The following NAV3 variants were observed in gnomAD, a reference collection of about 807,000 sequenced individuals.
The protein encoded by NAV3 is neuron navigator 3.
NAV3 carries 87 observed loss-of-function variants against 244.7 expected under a neutral mutation model. The ratio of observed to expected loss-of-function variants is 0.36; its 90% confidence interval spans 0.30 to 0.42. The LOEUF (loss-of-function observed/expected upper bound fraction) is 0.42. Ranked by LOEUF, NAV3 falls within the 20% of genes least tolerant of loss-of-function variation. The probability of loss-of-function intolerance (pLI) is 1.00; values close to 1 mark genes in which losing one functional copy is unlikely to be tolerated. For missense variants in NAV3, 2,663 were observed against 2,893.3 expected (o/e 0.92, Z 1.83); for synonymous variants, 1,126 against 1,042.2 (o/e 1.08, Z -1.55).
chr12:77,776,101 G>T (rs577802561), intron 2 of NAV3, among the ~76,000 whole-genome samples: 1 of 152,280 alleles, frequency 6.6e-6, no homozygotes, highest in African/African-American at 2.4e-5. Context: ...ATTCATAGAA[G>T]CCCAATTAAT....
chr12:77,676,074 CT>C (rs996877642), intron 2 of NAV3, among the ~76,000 whole-genome samples: 60 of 149,782 alleles, frequency 4.0e-4, no homozygotes, highest in African/African-American at 1.4e-3. Context: ...GGAGTGCTAG[CT>C]TTTTTTTTTA....
intron 2 of NAV3, among the ~76,000 whole-genome samples, chr12:77,600,848 T>C (rs935291132): frequency 7.2e-5 from 11 of 151,878 alleles, no homozygotes; most frequent in African/African-American, 2.7e-4. Flanking sequence ...TCAGGCAAAT[T>C]TATGGGTATT....
At chr12:78,101,427 C>T (rs946952849) in intron 12 of NAV3, among the ~76,000 whole-genome samples, 3 of 152,106 alleles carry the variant, frequency 2.0e-5, no homozygotes, top group African/African-American at 7.2e-5. Flanking sequence ...GGATGACATA[C>T]CTTAGAAAGT....
chr12:78,202,150 T>TGTTA, intron 38 of NAV3, among the ~76,000 whole-genome samples: 1 of 152,032 alleles, frequency 6.6e-6, no homozygotes, highest in East Asian at 1.9e-4. Flanking sequence ...ATTTTTCAAG[T>TGTTA]ATAACATATT....
At chr12:77,918,257 A>G (rs1266896261) in intron 1 of NAV3, among the ~76,000 whole-genome samples, 1 of 152,122 alleles carries the variant, frequency 6.6e-6, no homozygotes, top group East Asian at 1.9e-4. Context: ...CCATTTGGAC[A>G]AGTTTCCATG....
At chr12:78,101,338 TA>T (rs1954526193) in intron 12 of NAV3, among the ~76,000 whole-genome samples, 1 of 152,144 alleles carries the variant, frequency 6.6e-6, no homozygotes, top group Non-Finnish European at 1.5e-5. Flanking sequence ...GAAAGATTCA[TA>T]AAGGGAATGA....
chr12:77,606,849 A>G (rs960963555), intron 2 of NAV3, among the ~76,000 whole-genome samples: 1 of 152,104 alleles, frequency 6.6e-6, no homozygotes. Flanking sequence ...AACTTCTAGG[A>G]ACAGTCTTGA....
chr12:77,854,825 G>C (rs1878126301), intron 1 of NAV3, among the ~76,000 whole-genome samples: 1 of 152,060 alleles, frequency 6.6e-6, no homozygotes, highest in Non-Finnish European at 1.5e-5. Context: ...TAGAAATGCT[G>C]ACTAACATCT....
At chr12:78,018,900 A>T (rs184430040) in intron 8 of NAV3, among the ~76,000 whole-genome samples, 1 of 152,276 alleles carries the variant, frequency 6.6e-6, no homozygotes, top group African/African-American at 2.4e-5. Flanking sequence ...GGCCCACAAT[A>T]GATGAAGCCA....
At chr12:78,047,772 A>C (rs990719234) in intron 9 of NAV3, among the ~76,000 whole-genome samples, 1 of 152,280 alleles carries the variant, frequency 6.6e-6, no homozygotes, top group East Asian at 1.9e-4. Context: ...AGGCTGGGCA[A>C]GTTCTCCTGG....
chr12:78,181,150 C>A, intron 30 of NAV3, 105 bp downstream of exon 30: 1 of 997,474 alleles, frequency 1.0e-6, no homozygotes, highest in Non-Finnish European at 1.5e-6. Context: ...ATGTTACACT[C>A]TAATTCTCAG....
At chr12:77,651,356 A>G (rs1291940200) in intron 2 of NAV3, among the ~76,000 whole-genome samples, 5 of 152,024 alleles carry the variant, frequency 3.3e-5, no homozygotes, top group Non-Finnish European at 7.4e-5. Flanking sequence ...TGACTGATCT[A>G]TTCTTGTGTT....
intron 2 of NAV3, among the ~76,000 whole-genome samples, chr12:77,757,412 G>C (rs543716717): frequency 6.6e-6 from 1 of 152,166 alleles, no homozygotes; most frequent in Non-Finnish European, 1.5e-5. Context: ...GTCTTTGCAC[G>C]TTGAAATGTG....
Position 78,190,159 on chromosome 12 carries a change from T to C in NAV3, c.6231T>C (p.Ser2077=), listed in dbSNP as rs1342316834. The C allele has an allele frequency of 6.2e-7, 1 of 1,612,834 alleles. No homozygotes were observed. The highest frequency in any genetic ancestry group is 8.5e-7 in the Non-Finnish European group (1 of 1,179,422). Residue 2077 remains serine (S), a synonymous_variant, in exon 34 of 40, where the codon TCT becomes TCC. Transcript: ENST00000397909. ...TTGCTGAATATGTAATAACCAAATC[T>C]GGAAGGAAAAAAACAGAGGATGCAA... is the stretch of plus-strand genomic sequence containing the variant. The part of the protein sequence containing the change: ...NKLAEYVITK[S]GRKKTEDAIA...
intron 12 of NAV3, among the ~76,000 whole-genome samples, chr12:78,072,122 A>T (rs976770882): frequency 6.6e-6 from 1 of 151,532 alleles, no homozygotes; most frequent in South Asian, 2.1e-4. Context: ...CACAATTAAA[A>T]GAACTAGAAA....
intron 2 of NAV3, among the ~76,000 whole-genome samples, chr12:77,799,384 G>A (rs981677689): frequency 5.3e-5 from 8 of 152,096 alleles, no homozygotes; most frequent in Admixed American, 2.0e-4. Context: ...GCATATAATG[G>A]TACCTGATTT....
chr12:77,890,324 C>G (rs897235083), intron 1 of NAV3, among the ~76,000 whole-genome samples: 1 of 151,812 alleles, frequency 6.6e-6, no homozygotes, highest in African/African-American at 2.4e-5. Context: ...CCCTGTTGCC[C>G]AGGCTGGTCT....
intron 2 of NAV3, among the ~76,000 whole-genome samples, chr12:77,691,761 T>C (rs1458700203): frequency 6.6e-6 from 1 of 151,880 alleles, no homozygotes; most frequent in South Asian, 2.1e-4. Context: ...CATATCATAA[T>C]TTATATGTAA....
chr12:77,659,393 A>G (rs1196116523), intron 2 of NAV3, among the ~76,000 whole-genome samples: 3 of 152,198 alleles, frequency 2.0e-5, no homozygotes, highest in Non-Finnish European at 2.9e-5. Context: ...AGAAATGCAA[A>G]TCAAAATCAC....
Sources: allele counts gnomAD v4.1 joint callset (sites outside exome capture counted in the v4.1 genomes callset), GRCh38; gene constraint gnomAD v4.1.1; transcripts MANE v1.5; gene names NCBI Gene and HGNC (gene_info 2026-07-23, HGNC 2026-07-21).